The following BAALC variants were observed in gnomAD, a reference collection of about 807,000 sequenced individuals.
BAALC encodes the protein BAALC binder of MAP3K1 and KLF4, also known as brain and acute leukemia cytoplasmic protein.
A neutral mutation model predicts 15.5 loss-of-function variants in BAALC; 9 were observed. The ratio of observed to expected loss-of-function variants is 0.58; its 90% CI spans 0.35 to 1.02. BAALC has a LOEUF of 1.02. Ranked by LOEUF, BAALC falls within the 50% of genes least tolerant of loss-of-function variation. The pLI is 0.02. For missense variants in BAALC, 201 were observed against 192.4 expected (o/e 1.04, Z -0.27); for synonymous variants, 80 against 74.6 (o/e 1.07, Z -0.37).
At position 103,204,506 on chromosome 8, in the gene BAALC, T is replaced by A. The variant is rs115156318; in HGVS notation, c.161-8413T>A. 7.5e-3 allele frequency among the ~76,000 whole-genome samples: 1,143 copies of A among 152,344 alleles called. 15 individuals carry two copies. Among genetic ancestry groups the A allele is most frequent in the African/African-American group, 0.026 (1,062 of 41,582 alleles). ...GAAACAATTGGATAATCCAAGGTCA[T>A]GAAGACTTACACCTATATTTTCCTT... On this transcript the variant is annotated intron_variant, in intron 1 of 2. Coordinates refer to ENST00000309982, the MANE Select transcript of BAALC (RefSeq NM_024812.3).
At chr8:103,201,468 C>T (rs1812216811) in intron 1 of BAALC, among the ~76,000 whole-genome samples, 1 of 152,238 alleles carries the variant, frequency 6.6e-6, no homozygotes, top group Non-Finnish European at 1.5e-5. Flanking sequence ...CACTGTGTCA[C>T]ACGGAAGAGG....
intron 1 of BAALC, among the ~76,000 whole-genome samples, chr8:103,142,188 A>G (rs1200603347): frequency 1.3e-5 from 2 of 152,264 alleles, no homozygotes; most frequent in African/African-American, 4.8e-5. Flanking sequence ...TACAAGGTTA[A>G]GAATCTTAAA....
intron 1 of BAALC, among the ~76,000 whole-genome samples, chr8:103,155,778 T>G (rs1052265996): frequency 1.3e-5 from 2 of 152,080 alleles, no homozygotes; most frequent in Non-Finnish European, 2.9e-5. Context: ...GTAGTGGGAG[T>G]GCAGCTAGAA....
intron 1 of BAALC, among the ~76,000 whole-genome samples, chr8:103,161,993 C>T (rs144099726): frequency 6.6e-6 from 1 of 152,074 alleles, no homozygotes; most frequent in African/African-American, 2.4e-5. Context: ...CAGGGTTTTG[C>T]TCTGTCACCC....
At chr8:103,224,436 GCA>G (rs1812756224) in intron 2 of BAALC, among the ~76,000 whole-genome samples, 1 of 77,464 alleles carries the variant, frequency 1.3e-5, no homozygotes, top group African/African-American at 4.8e-5. Flanking sequence ...GGGTGGGGGG[GCA>G]GGGGCTTCCA....
At chr8:103,179,493 T>C (rs1426004753) in intron 1 of BAALC, among the ~76,000 whole-genome samples, 2 of 152,254 alleles carry the variant, frequency 1.3e-5, no homozygotes, top group Non-Finnish European at 2.9e-5. Context: ...ATGTGCTCTA[T>C]GCGGAGTCAC....
intron 1 of BAALC, 122 bp from the exon 2 acceptor site, chr8:103,212,797 G>C (rs1812476844): frequency 2.0e-6 from 2 of 1,005,574 alleles, no homozygotes; most frequent in Non-Finnish European, 2.9e-6. Flanking sequence ...GCTCTGCATG[G>C]TGGGATTTCT....
chr8:103,173,996 C>G (rs1811553026), intron 1 of BAALC, among the ~76,000 whole-genome samples: 1 of 152,184 alleles, frequency 6.6e-6, no homozygotes, highest in African/African-American at 2.4e-5. Context: ...ATGGAAAGGA[C>G]ACCCATTCTC....
intron 2 of BAALC, among the ~76,000 whole-genome samples, chr8:103,226,262 C>T (rs1203206650): frequency 1.3e-5 from 2 of 152,216 alleles, no homozygotes; most frequent in African/African-American, 4.8e-5. Context: ...CTGACAACAG[C>T]TTCAGCGACC....
At chr8:103,182,779 C>T (rs1441752597) in intron 1 of BAALC, among the ~76,000 whole-genome samples, 4 of 152,210 alleles carry the variant, frequency 2.6e-5, no homozygotes, top group African/African-American at 9.6e-5. Context: ...CTGCAAGTGA[C>T]AGAATGACCT....
chr8:103,150,814 T>TCTGTA (rs1316624447), intron 1 of BAALC, among the ~76,000 whole-genome samples: 1 of 152,182 alleles, frequency 6.6e-6, no homozygotes, highest in African/African-American at 2.4e-5. Flanking sequence ...TTATCCTGAA[T>TCTGTA]TCTGATACAG....
chr8:103,197,656 G>A (rs1256137889), intron 1 of BAALC, among the ~76,000 whole-genome samples: 1 of 152,164 alleles, frequency 6.6e-6, no homozygotes, highest in Non-Finnish European at 1.5e-5. Context: ...AGAAAGCATG[G>A]TACTGTCATC....
intron 1 of BAALC, among the ~76,000 whole-genome samples, chr8:103,193,574 A>T (rs953244630): frequency 1.3e-5 from 2 of 152,204 alleles, no homozygotes; most frequent in African/African-American, 4.8e-5. Flanking sequence ...TGATGGGAGC[A>T]AATAGATGGG....
chr8:103,199,592 C>T (rs1439155381), intron 1 of BAALC, among the ~76,000 whole-genome samples: 1 of 151,378 alleles, frequency 6.6e-6, no homozygotes, highest in Non-Finnish European at 1.5e-5. Context: ...TGATTGAATT[C>T]AAATTTTGAT....
intron 1 of BAALC, among the ~76,000 whole-genome samples, chr8:103,188,440 T>C (rs560653940): frequency 3.9e-5 from 6 of 152,142 alleles, no homozygotes; most frequent in African/African-American, 1.2e-4. Flanking sequence ...ATAAGGGACG[T>C]TGAGGGACAG....
At chr8:103,147,329 C>T (rs1316022475) in intron 1 of BAALC, among the ~76,000 whole-genome samples, 1 of 152,128 alleles carries the variant, frequency 6.6e-6, no homozygotes, top group African/African-American at 2.4e-5. Context: ...ATGAATAAGA[C>T]CTACTATTTG....
chr8:103,168,980 A>T (rs7829208), intron 1 of BAALC, among the ~76,000 whole-genome samples: 110,057 of 152,030 alleles, frequency 0.72, 40,081 homozygotes, highest in East Asian at 0.92. Context: ...ACAAGTCTGA[A>T]GTCATTCTGA....
At chr8:103,168,181 C>A (rs1385389668) in intron 1 of BAALC, among the ~76,000 whole-genome samples, 1 of 152,196 alleles carries the variant, frequency 6.6e-6, no homozygotes, top group Non-Finnish European at 1.5e-5. Context: ...CCCTGTTATG[C>A]ATCCCACTTT....
intron 1 of BAALC, among the ~76,000 whole-genome samples, chr8:103,178,542 T>C (rs1043049499): frequency 1.3e-5 from 2 of 152,128 alleles, no homozygotes; most frequent in Non-Finnish European, 2.9e-5. Context: ...CTTACAACAA[T>C]CTATAGATGA....
Sources: gnomAD v4.1 joint callset for allele counts (sites outside exome capture counted in the v4.1 genomes callset) on GRCh38, gnomAD v4.1.1 for gene constraint, MANE v1.5 for transcripts, NCBI Gene and HGNC (gene_info 2026-07-23, HGNC 2026-07-21) for gene names.